SLC25A12: variants seen among roughly 807,000 people sequenced by gnomAD.
SLC25A12 encodes electrogenic aspartate/glutamate antiporter SLC25A12, mitochondrial.
A neutral mutation model predicts 83.3 loss-of-function variants in SLC25A12; 32 were observed. The ratio of observed to expected loss-of-function variants is 0.38; its 90% CI spans 0.29 to 0.52. The LOEUF is 0.52. SLC25A12 is among the 20% of genes least tolerant of loss of function. The pLI is 0.84. For synonymous variants in SLC25A12, 267 were observed against 291.1 expected (o/e 0.92, Z 0.84); for missense variants, 611 against 835.6 (o/e 0.73, Z 3.31).
intron 8 of SLC25A12, among the ~76,000 whole-genome samples, chr2:171,830,470 T>C (rs1050373839): frequency 6.6e-5 from 10 of 152,198 alleles, no homozygotes; most frequent in Non-Finnish European, 1.2e-4. Flanking sequence ...TAAAGAAATT[T>C]GAATACTGTT....
chr2:171,824,557 C>G (rs774406548), intron 9 of SLC25A12, among the ~76,000 whole-genome samples: 17 of 152,270 alleles, frequency 1.1e-4, no homozygotes, highest in Non-Finnish European at 2.2e-4. Flanking sequence ...TGCAAAATAT[C>G]TTCTTTTGAA....
intron 2 of SLC25A12, among the ~76,000 whole-genome samples, chr2:171,879,792 T>TTAA (rs1323142256): frequency 6.6e-6 from 1 of 152,194 alleles, no homozygotes; most frequent in Non-Finnish European, 1.5e-5. Flanking sequence ...TAAGCCTTGA[T>TTAA]TAAATACCAA....
chr2:171,855,975 G>A, intron 3 of SLC25A12, 26 bp from the exon 4 acceptor site: 1 of 1,230,082 alleles, frequency 8.1e-7, no homozygotes, highest in Non-Finnish European at 1.2e-6. Flanking sequence ...AAACGTCATT[G>A]GCTGGTGAAG....
intron 13 of SLC25A12, 28 bp from the exon 14 acceptor site, chr2:171,793,795 G>C (rs1683538671): frequency 6.2e-7 from 1 of 1,613,892 alleles, no homozygotes; most frequent in Admixed American, 1.7e-5. Context: ...GAGACAGGCA[G>C]ATTCCACATC....
intron 2 of SLC25A12, among the ~76,000 whole-genome samples, chr2:171,878,073 A>G (rs1353085733): frequency 6.6e-6 from 1 of 152,178 alleles, no homozygotes; most frequent in Non-Finnish European, 1.5e-5. Context: ...CAAATCTTTC[A>G]GGTTATTTTG....
chr2:171,855,722 A>G (rs971805945), intron 4 of SLC25A12, 112 bp downstream of exon 4: 3 of 766,666 alleles, frequency 3.9e-6, no homozygotes, highest in East Asian at 2.4e-5. Flanking sequence ...AGGAAATTCA[A>G]TTATGGGTCA....
intron 3 of SLC25A12, among the ~76,000 whole-genome samples, chr2:171,864,993 T>C (rs1685254930): frequency 6.6e-6 from 1 of 152,176 alleles, no homozygotes; most frequent in Non-Finnish European, 1.5e-5. Flanking sequence ...AATAGAGAAA[T>C]AAATTAATAA....
chr2:171,843,721 A>C (rs1684730987), intron 5 of SLC25A12, among the ~76,000 whole-genome samples: 2 of 152,050 alleles, frequency 1.3e-5, no homozygotes, highest in African/African-American at 4.8e-5. Context: ...ATCATGACAT[A>C]ATTATATTGG....
At chr2:171,866,667 C>T (rs1451915962) in intron 3 of SLC25A12, among the ~76,000 whole-genome samples, 17 of 121,672 alleles carry the variant, frequency 1.4e-4, no homozygotes, top group Non-Finnish European at 2.9e-4. Context: ...CCGAACGGGG[C>T]GGCTGGCTGT....
At chr2:171,861,011 G>T (rs970318755) in intron 3 of SLC25A12, among the ~76,000 whole-genome samples, 1 of 152,074 alleles carries the variant, frequency 6.6e-6, no homozygotes, top group Non-Finnish European at 1.5e-5. Flanking sequence ...AGGATCATTT[G>T]AGCTCAGGAA....
intron 9 of SLC25A12, among the ~76,000 whole-genome samples, chr2:171,820,252 T>C (rs757423217): frequency 1.3e-5 from 2 of 149,280 alleles, no homozygotes; most frequent in Non-Finnish European, 2.9e-5. Context: ...ATAATTCTAA[T>C]GATGTTTTGA....
chr2:171,846,889 T>C (rs964534254), intron 4 of SLC25A12, among the ~76,000 whole-genome samples: 1 of 152,206 alleles, frequency 6.6e-6, no homozygotes, highest in Admixed American at 6.5e-5. Flanking sequence ...AATATCTCTG[T>C]AATAAAAACT....
intron 13 of SLC25A12, among the ~76,000 whole-genome samples, chr2:171,805,951 A>C (rs1490843514): frequency 6.6e-6 from 1 of 152,082 alleles, no homozygotes; most frequent in Non-Finnish European, 1.5e-5. Context: ...TCTACAAAAA[A>C]TACAAAAATT....
At chr2:171,866,194 T>C (rs1685293863) in intron 3 of SLC25A12, among the ~76,000 whole-genome samples, 2 of 141,322 alleles carry the variant, frequency 1.4e-5, no homozygotes, top group African/African-American at 5.3e-5. Context: ...GAATTTTTCT[T>C]AGTACAGAAC....
chr2:171,800,023 T>C (rs1348938267), intron 13 of SLC25A12, among the ~76,000 whole-genome samples: 1 of 152,218 alleles, frequency 6.6e-6, no homozygotes, highest in African/African-American at 2.4e-5. Context: ...CATTAGAAAG[T>C]ACCTAAAGGT....
chr2:171,882,016 G>A (rs1203843247), intron 2 of SLC25A12, among the ~76,000 whole-genome samples: 1 of 152,288 alleles, frequency 6.6e-6, no homozygotes, highest in Non-Finnish European at 1.5e-5. Context: ...TATTTTTGCA[G>A]ATAGTATGAC....
At chr2:171,801,121 C>T (rs900995167) in intron 13 of SLC25A12, among the ~76,000 whole-genome samples, 2 of 152,104 alleles carry the variant, frequency 1.3e-5, no homozygotes, top group African/African-American at 4.8e-5. Flanking sequence ...GTAAATATGT[C>T]ATATTCATAC....
intron 3 of SLC25A12, among the ~76,000 whole-genome samples, chr2:171,867,610 T>C (rs1182874238): frequency 1.3e-5 from 2 of 151,854 alleles, no homozygotes; most frequent in Admixed American, 1.3e-4. Context: ...AGGGAGACCA[T>C]GGAAAGAGAG....
Position 171,785,357 on chromosome 2 carries a change from T to G in SLC25A12, c.1954A>C (p.Lys652Gln). ...ATATFAGIEN[K>Q]FGLYLPKFKS... Reference sequence around the variant, plus strand: ...AATTTCGGGAGATAAAGGCCAAATTTGTTTTCGATGCCTGCAAACGTGGCT... The same window carrying G: ...AATTTCGGGAGATAAAGGCCAAATTGGTTTTCGATGCCTGCAAACGTGGCT... The change falls in exon 18 of 18, where the codon AAA becomes CAA. Residue 652 changes from lysine to glutamine, a missense_variant. Physicochemically the swap from Lys to Gln is moderately conservative, Grantham distance 53. This residue lies in a region of SLC25A12 where 37 missense variants were observed against 35.1 expected (regional missense o/e 1.05). Transcript: ENST00000422440. 1 of 1,614,224 alleles carries G rather than the reference T, an allele frequency of 6.2e-7. No homozygotes were observed.
Sources: allele counts gnomAD v4.1 joint callset (sites outside exome capture counted in the v4.1 genomes callset), GRCh38; gene constraint gnomAD v4.1.1; regional missense constraint gnomAD v4.1.1; transcripts MANE v1.5; gene names NCBI Gene and HGNC (gene_info 2026-07-23, HGNC 2026-07-21).